The following IQSEC3 variants were observed in gnomAD, a reference collection of about 807,000 sequenced individuals.
IQSEC3 encodes IQ motif and Sec7 domain ArfGEF 3.
IQSEC3 carries 50 observed loss-of-function variants against 105.4 expected under a neutral mutation model. That is an observed-to-expected ratio of 0.47 (90% confidence interval 0.38 to 0.60). IQSEC3 has a LOEUF of 0.60. IQSEC3 is among the 20% of genes least tolerant of loss of function. IQSEC3 has a pLI of 0.00. For synonymous variants in IQSEC3, 708 were observed against 746.0 expected (o/e 0.95, Z 0.83); for missense variants, 1,415 against 1,630.0 (o/e 0.87, Z 2.27).
chr12:158,757 C>A (rs897101744), intron 7 of IQSEC3, among the ~76,000 whole-genome samples: 6 of 152,216 alleles, frequency 3.9e-5, no homozygotes, highest in Non-Finnish European at 7.3e-5. Flanking sequence ...CTCCCAGGTT[C>A]AAGTAATTCT....
chr12:95,538 T>C (rs1864219429), intron 1 of IQSEC3, among the ~76,000 whole-genome samples: 1 of 152,226 alleles, frequency 6.6e-6, no homozygotes, highest in Admixed American at 6.5e-5. Context: ...AGTCAACATT[T>C]TACCCTAAGC....
At chr12:92,292 A>G (rs1864111762) in intron 1 of IQSEC3, among the ~76,000 whole-genome samples, 1 of 152,190 alleles carries the variant, frequency 6.6e-6, no homozygotes, top group Non-Finnish European at 1.5e-5. Flanking sequence ...AGAGACCGAG[A>G]ATGACGATGT....
chr12:112,028 T>C (rs560986455), intron 2 of IQSEC3, among the ~76,000 whole-genome samples: 29 of 152,258 alleles, frequency 1.9e-4, no homozygotes, highest in South Asian at 4.2e-4. Context: ...CTGAGTATTA[T>C]GGGTTACAAT....
intron 2 of IQSEC3, among the ~76,000 whole-genome samples, chr12:118,815 A>T (rs1865129814): frequency 6.6e-6 from 1 of 152,038 alleles, no homozygotes; most frequent in South Asian, 2.1e-4. Context: ...ATAGCCCTTC[A>T]GTTGCTCCTG....
chr12:153,624 C>A (rs1228429058), intron 5 of IQSEC3, among the ~76,000 whole-genome samples: 5 of 152,178 alleles, frequency 3.3e-5, no homozygotes, highest in Non-Finnish European at 7.3e-5. Flanking sequence ...AACACAGATA[C>A]CCTGTGGTGG....
chr12:134,327 G>A (rs1209435453), intron 3 of IQSEC3, among the ~76,000 whole-genome samples: 3 of 152,228 alleles, frequency 2.0e-5, no homozygotes, highest in Non-Finnish European at 4.4e-5. Flanking sequence ...TGGGACAGAT[G>A]CAAGAATTTA....
At chr12:86,389 G>A (rs1863917739) in intron 1 of IQSEC3, among the ~76,000 whole-genome samples, 1 of 152,124 alleles carries the variant, frequency 6.6e-6, no homozygotes, top group Non-Finnish European at 1.5e-5. Context: ...GGTGGTATGG[G>A]TACAGGCTTT....
intron 2 of IQSEC3, among the ~76,000 whole-genome samples, chr12:114,180 G>A (rs1344396205): frequency 6.6e-6 from 1 of 152,222 alleles, no homozygotes; most frequent in Non-Finnish European, 1.5e-5. Flanking sequence ...GGATTTTCGA[G>A]GGCAGAGAGG....
At chr12:84,138 G>A (rs1258623079) in intron 1 of IQSEC3, among the ~76,000 whole-genome samples, 1 of 152,206 alleles carries the variant, frequency 6.6e-6, no homozygotes, top group Non-Finnish European at 1.5e-5. Flanking sequence ...GCCTAATCTG[G>A]GACAGAGACC....
At chr12:106,240 T>C (rs1864645456) in intron 2 of IQSEC3, among the ~76,000 whole-genome samples, 2 of 152,192 alleles carry the variant, frequency 1.3e-5, no homozygotes, top group Admixed American at 6.5e-5. Flanking sequence ...AGAGCTAGGT[T>C]TTGAACCAGG....
In IQSEC3 at chr12:139,287, T is replaced by A. The variant is rs1555088368; in HGVS notation, c.1924T>A (p.Ser642Thr). 1.2e-6 allele frequency: 2 copies of A among 1,606,716 alleles called. No homozygotes were observed. Among genetic ancestry groups the A allele is most frequent in the Admixed American group, 3.4e-5 (2 of 59,482 alleles). The change falls in exon 4 of 14, where the codon TCG (serine) becomes ACG (threonine). Residue 642 changes from serine to threonine, a missense_variant. By Grantham distance (58) the Ser-to-Thr change is moderately conservative. Transcript: ENST00000538872. ...CTGCGAGAACCCAGCCAGCTGCAAGTCGCCCACGCTCTCCACCGACACCCT... is the reference window on the plus strand; with the variant it reads ...CTGCGAGAACCCAGCCAGCTGCAAGACGCCCACGCTCTCCACCGACACCCT... ...YHCENPASCK[S>T]PTLSTDTLRK... is the part of the protein sequence containing the mutation.
Position 99,217 on chromosome 12 carries a change from G to A in IQSEC3, c.623+3G>A, listed in dbSNP as rs1864339934. 1.9e-6 allele frequency: 3 copies of A among 1,597,932 alleles called. No homozygotes were observed. In the African/African-American group the frequency reaches 4.0e-5, roughly 21 times the overall value. On this transcript the variant is annotated splice_donor_region_variant and intron_variant, in intron 2 of 13. Coordinates refer to ENST00000538872, the MANE Select transcript of IQSEC3 (RefSeq NM_001170738.2). ...TGCTCCGACCTGGCCTCCCAAAGGTGGGAACTGTGGCCCTTCCTCCCTTCC... is the reference window on the plus strand; with the variant it reads ...TGCTCCGACCTGGCCTCCCAAAGGTAGGAACTGTGGCCCTTCCTCCCTTCC...
At chr12:151,588 A>G (rs1182221612) in intron 5 of IQSEC3, among the ~76,000 whole-genome samples, 1 of 152,156 alleles carries the variant, frequency 6.6e-6, no homozygotes, top group Non-Finnish European at 1.5e-5. Context: ...CAGCCAGGGA[A>G]ATCTTCTTAG....
intron 1 of IQSEC3, among the ~76,000 whole-genome samples, chr12:83,703 G>T (rs1209938701): frequency 3.3e-5 from 5 of 150,878 alleles, no homozygotes; most frequent in Admixed American, 2.0e-4. Context: ...GAAGGCGGGC[G>T]GGGGAGGAGG....
At chr12:101,360 G>T (rs912375109) in intron 2 of IQSEC3, among the ~76,000 whole-genome samples, 2 of 152,206 alleles carry the variant, frequency 1.3e-5, no homozygotes, top group Non-Finnish European at 2.9e-5. Flanking sequence ...AGGGAATAGG[G>T]TTATTTTCCA....
intron 1 of IQSEC3, among the ~76,000 whole-genome samples, chr12:85,653 G>C (rs1422621169): frequency 1.3e-5 from 2 of 152,162 alleles, no homozygotes; most frequent in African/African-American, 4.8e-5. Context: ...AAGGAAGCTA[G>C]GGCCTCCTGG....
Position 175,194 on chromosome 12 carries a change from C to G in IQSEC3, c.*161C>G. 1 of 610,392 alleles carries G rather than the reference C, an allele frequency of 1.6e-6. No individual in the cohort carries two copies. Among genetic ancestry groups the G allele is most frequent in the Non-Finnish European group, 2.8e-6 (1 of 356,694 alleles). 37.8% of individuals were successfully genotyped at this position (610,392 alleles called of 1,614,324 possible). On this transcript the variant is annotated 3_prime_UTR_variant, in exon 14 of 14. Coordinates refer to ENST00000538872, the MANE Select transcript of IQSEC3 (RefSeq NM_001170738.2). Reference sequence around the variant, plus strand: ...TCCCTGGCACCTGGGTTTGCCTCATCCAACCATCCTTCCCTTTCTCAGCTG... The same window carrying G: ...TCCCTGGCACCTGGGTTTGCCTCATGCAACCATCCTTCCCTTTCTCAGCTG...
At position 174,724 on chromosome 12, in the gene IQSEC3, G is replaced by A. The variant is rs569557609; in HGVS notation, c.3240G>A (p.Pro1080=). 71 of 1,588,690 alleles carry A rather than the reference G, an allele frequency of 4.5e-5. No homozygotes were observed. In the Middle Eastern group the frequency reaches 8.4e-4, roughly 19 times the overall value. ...CGAGACAGCAGACCCCACCACTGCCGCCGCCGCCACCCACGCCCCCGGGCA... is the reference window on the plus strand; with the variant it reads ...CGAGACAGCAGACCCCACCACTGCCACCGCCGCCACCCACGCCCCCGGGCA... ...SPPRQQTPPL[P]PPPPTPPGTL... Residue 1080 remains proline (P), a synonymous_variant, in exon 14 of 14, where the codon CCG becomes CCA. Transcript: ENST00000538872.
At chr12:148,209 G>A (rs782734619) in intron 5 of IQSEC3, 6 of 152,114 alleles carry the variant, frequency 3.9e-5, no homozygotes, top group African/African-American at 7.2e-5. Context: ...GCTTCCAAAA[G>A]GTGGTCCCTG....
Sources: gnomAD v4.1 joint callset for allele counts (sites outside exome capture counted in the v4.1 genomes callset) on GRCh38, gnomAD v4.1.1 for gene constraint, MANE v1.5 for transcripts, NCBI Gene and HGNC (gene_info 2026-07-23, HGNC 2026-07-21) for gene names.